CTNNA2: variants seen among roughly 807,000 people sequenced by gnomAD.
CTNNA2 encodes catenin alpha 2, also known as catenin alpha-2.
In CTNNA2, 42 loss-of-function variants were observed where a neutral mutation model predicts 101.0. The ratio of observed to expected loss-of-function variants is 0.42; its 90% CI spans 0.32 to 0.54. The LOEUF is 0.54. Ranked by LOEUF, CTNNA2 falls within the 20% of genes least tolerant of loss-of-function variation. The pLI is 0.14. For missense variants in CTNNA2, 871 were observed against 1,223.1 expected, an observed-to-expected ratio of 0.71 and a Z score of 4.29; for synonymous variants, 450 against 456.4, an observed-to-expected ratio of 0.99 and a Z score of 0.18.
intron 9 of CTNNA2, among the ~76,000 whole-genome samples, chr2:80,457,099 CAG>C (rs1684045020): frequency 6.6e-6 from 1 of 151,556 alleles, no homozygotes; most frequent in Non-Finnish European, 1.5e-5. Flanking sequence ...TTTTTTTGGA[CAG>C]AGTCTCGCTC....
chr2:79,282,849 G>T (rs1253931443), intron 2 of CTNNA2, among the ~76,000 whole-genome samples: 1 of 101,198 alleles, frequency 9.9e-6, no homozygotes. Flanking sequence ...TTCCACAATG[G>T]TTGAACTAGT....
At chr2:80,137,790 G>T (rs1040261887) in intron 7 of CTNNA2, among the ~76,000 whole-genome samples, 1 of 151,804 alleles carries the variant, frequency 6.6e-6, no homozygotes, top group East Asian at 1.9e-4. Context: ...ATTTCTATTG[G>T]GACTTCTGTG....
intron 7 of CTNNA2, chr2:80,298,292 C>A (rs915984325): frequency 1.3e-5 from 2 of 152,178 alleles, no homozygotes; most frequent in African/African-American, 4.8e-5. Flanking sequence ...AATCAGCCAA[C>A]ATCGCCACTC....
rs1053510837 is a variant in CTNNA2, at chr2:79,470,251, T to G, written c.-134-34803T>G. Among the ~76,000 whole-genome samples, 6 of 152,196 alleles carry G rather than the reference T, an allele frequency of 3.9e-5. No individual in the cohort carries two copies. In the South Asian group the frequency reaches 1.2e-3, roughly 31 times the overall value. Reference sequence around the variant, plus strand: ...GCTTTCCCAGATAATGCTGGGCATCTCAGCTACTCAGGAGGCTTAGGCGGG... The same window carrying G: ...GCTTTCCCAGATAATGCTGGGCATCGCAGCTACTCAGGAGGCTTAGGCGGG... On this transcript the variant is annotated intron_variant, in intron 4 of 21. Transcript: ENST00000466387.
chr2:79,204,419 A>G (rs1158665462), intron 2 of CTNNA2, among the ~76,000 whole-genome samples: 1 of 152,102 alleles, frequency 6.6e-6, no homozygotes, highest in African/African-American at 2.4e-5. Context: ...TTGTGTGCCA[A>G]TTTCTAGTTA....
chr2:80,498,276 A>G (rs1687621486), intron 9 of CTNNA2, among the ~76,000 whole-genome samples: 1 of 152,338 alleles, frequency 6.6e-6, no homozygotes, highest in Middle Eastern at 3.4e-3. Flanking sequence ...GCCATGGCCT[A>G]CATGACTTTC....
intron 3 of CTNNA2, among the ~76,000 whole-genome samples, chr2:79,781,276 A>G (rs1674404314): frequency 6.6e-6 from 1 of 152,164 alleles, no homozygotes; most frequent in Non-Finnish European, 1.5e-5. Flanking sequence ...GGACGACCAG[A>G]GATCACTCTC....
chr2:79,782,883 G>A (rs773172236), intron 3 of CTNNA2, among the ~76,000 whole-genome samples: 38 of 151,820 alleles, frequency 2.5e-4, no homozygotes, highest in Admixed American at 7.2e-4. Context: ...TTGCAAATTG[G>A]CTCTGCCCCA....
intron 4 of CTNNA2, among the ~76,000 whole-genome samples, chr2:79,468,574 A>G (rs1330169127): frequency 4.6e-5 from 7 of 152,308 alleles, no homozygotes; most frequent in African/African-American, 1.7e-4. Flanking sequence ...AACAGAATAT[A>G]TATTCTTCTC....
chr2:80,589,588 A>C, intron 15 of CTNNA2, 103 bp downstream of exon 15: 1 of 1,057,676 alleles, frequency 9.5e-7, no homozygotes, highest in South Asian at 1.7e-5. Flanking sequence ...AAATATACCA[A>C]CGCAAGGTGG....
chr2:80,285,448 T>A (rs560942189), intron 7 of CTNNA2, among the ~76,000 whole-genome samples: 1 of 152,328 alleles, frequency 6.6e-6, no homozygotes, highest in African/African-American at 2.4e-5. Flanking sequence ...GACAGTCAAC[T>A]AACACTTTAA....
chr2:79,576,515 A>G (rs1461686099), intron 1 of CTNNA2, among the ~76,000 whole-genome samples: 1 of 152,132 alleles, frequency 6.6e-6, no homozygotes, highest in African/African-American at 2.4e-5. Context: ...TGATTCTGTA[A>G]GGACTTCATA....
chr2:79,280,083 C>G (rs1675322553), intron 2 of CTNNA2, among the ~76,000 whole-genome samples: 1 of 152,172 alleles, frequency 6.6e-6, no homozygotes, highest in South Asian at 2.1e-4. Context: ...CTACAGGACA[C>G]TAACATTCAC....
In CTNNA2 at chr2:80,243,102, T is replaced by C. The variant is rs192474336; in HGVS notation, c.1057-150109T>C. ...CATGTTCAGATAGAATGCTATTTTATGAATTTCCTTCTTCAGACATGAGCA... is the reference window on the plus strand; with the variant it reads ...CATGTTCAGATAGAATGCTATTTTACGAATTTCCTTCTTCAGACATGAGCA... On this transcript the variant is annotated intron_variant, in intron 7 of 18. Transcript: ENST00000402739. Among the ~76,000 whole-genome samples, 22 of 152,324 alleles carry C rather than the reference T, an allele frequency of 1.4e-4. No individual in the cohort carries two copies. The East Asian group carries it at 4.2e-3, about 29-fold the overall frequency.
chr2:80,509,592 C>A (rs1391836970), intron 9 of CTNNA2, among the ~76,000 whole-genome samples: 1 of 152,074 alleles, frequency 6.6e-6, no homozygotes, highest in Admixed American at 6.6e-5. Flanking sequence ...ACCTGAAAAC[C>A]TTGGGGTCCG....
chr2:80,565,968 C>T (rs1017545183), intron 12 of CTNNA2, among the ~76,000 whole-genome samples: 1 of 152,010 alleles, frequency 6.6e-6, no homozygotes, highest in Admixed American at 6.6e-5. Context: ...TACACATTTT[C>T]CTGGAACCAA....
intron 7 of CTNNA2, chr2:80,030,633 A>G (rs534033582): frequency 6.6e-6 from 1 of 152,300 alleles, no homozygotes; most frequent in East Asian, 1.9e-4. Flanking sequence ...AATAAACAAA[A>G]TCAACAAAGA....
chr2:80,104,297 T>C (rs948342414), intron 7 of CTNNA2, among the ~76,000 whole-genome samples: 3 of 152,192 alleles, frequency 2.0e-5, no homozygotes, highest in Non-Finnish European at 4.4e-5. Flanking sequence ...TATCCCTCTA[T>C]CTTTCTAATA....
intron 1 of CTNNA2, among the ~76,000 whole-genome samples, chr2:79,188,852 A>C (rs989706046): frequency 1.3e-5 from 2 of 152,202 alleles, no homozygotes; most frequent in African/African-American, 4.8e-5. Flanking sequence ...AAGCTCTGTC[A>C]GTCAAAATTA....
Sources: gnomAD v4.1 joint callset for allele counts (sites outside exome capture counted in the v4.1 genomes callset) on GRCh38, gnomAD v4.1.1 for gene constraint, MANE v1.5 for transcripts, NCBI Gene and HGNC (gene_info 2026-07-23, HGNC 2026-07-21) for gene names.